APBB2: variants seen among roughly 807,000 people sequenced by gnomAD.
APBB2 encodes the protein amyloid beta precursor protein binding family B member 2.
APBB2 carries 38 observed loss-of-function variants against 82.5 expected under a neutral mutation model. The ratio of observed to expected loss-of-function variants is 0.46; its 90% CI spans 0.36 to 0.60. The LOEUF (loss-of-function observed/expected upper bound fraction) is 0.60, where lower values mean the gene tolerates loss of function less well. APBB2 is among the 20% of genes least tolerant of loss of function. The probability of loss-of-function intolerance (pLI) is 0.00; values close to 1 mark genes in which losing one functional copy is unlikely to be tolerated. For synonymous variants in APBB2, 341 were observed against 368.2 expected (o/e 0.93, Z 0.85); for missense variants, 772 against 972.3 (o/e 0.79, Z 2.74).
intron 3 of APBB2, among the ~76,000 whole-genome samples, chr4:41,073,086 T>A (rs1209115507): frequency 6.6e-6 from 1 of 152,166 alleles, no homozygotes; most frequent in Non-Finnish European, 1.5e-5. Context: ...TATTTAGACC[T>A]TTTTTTAGAC....
chr4:41,130,526 C>T (rs368373405), intron 2 of APBB2, among the ~76,000 whole-genome samples: 1 of 152,194 alleles, frequency 6.6e-6, no homozygotes, highest in African/African-American at 2.4e-5. Flanking sequence ...CTTCTGCTAT[C>T]AGAACTTGCA....
chr4:40,879,912 G>A (rs937853196), intron 12 of APBB2: 4 of 668,890 alleles, frequency 6.0e-6, no homozygotes, highest in East Asian at 1.4e-4. Context: ...GGCTGGTCTC[G>A]AACTCCTAAC....
At chr4:40,988,637 CAAAAAAAAAAAAAAAAAAGACTGTCTCA>C (rs1233232372) in intron 6 of APBB2, among the ~76,000 whole-genome samples, 1 of 30,660 alleles carries the variant, frequency 3.3e-5, no homozygotes, top group African/African-American at 1.3e-4. Flanking sequence ...GACTCCGTCT[CAAAAAAAAAAAAAAAAAAGACTGTCTCA>C]AAAAAAAAAA....
At position 40,988,047 on chromosome 4, in the gene APBB2, T is replaced by C. The variant is rs76923139; in HGVS notation, c.835+25536A>G. 6.3e-3 allele frequency among the ~76,000 whole-genome samples: 966 copies of C among 152,334 alleles called. 16 individuals carry two copies. Among genetic ancestry groups the C allele is most frequent in the African/African-American group, 0.021 (858 of 41,576 alleles). On this transcript the variant is annotated intron_variant, in intron 6 of 17. Transcript: ENST00000508593. ...ACGAATAATTACAAGCAGGATTATT[T>C]TGTGAACTAAATGAGATAATGGAAA...
intron 4 of APBB2, among the ~76,000 whole-genome samples, chr4:41,062,292 C>G (rs773507491): frequency 6.6e-6 from 1 of 152,098 alleles, no homozygotes; most frequent in Non-Finnish European, 1.5e-5. Flanking sequence ...CCTGCCTCAG[C>G]CTCTCTCGTA....
chr4:40,821,061 T>C (rs938585710), intron 17 of APBB2, among the ~76,000 whole-genome samples: 1 of 152,178 alleles, frequency 6.6e-6, no homozygotes, highest in African/African-American at 2.4e-5. Flanking sequence ...GAGACAGGGC[T>C]TCTCCATTTG....
At chr4:40,816,481 C>T (rs1319140470) in intron 17 of APBB2, among the ~76,000 whole-genome samples, 1 of 152,214 alleles carries the variant, frequency 6.6e-6, no homozygotes, top group Admixed American at 6.5e-5. Context: ...CCTTTCCTTC[C>T]ATCCATTTCC....
In APBB2 at chr4:40,890,409, G is replaced by C. The variant is rs1458648384; in HGVS notation, c.1484C>G (p.Pro495Arg). 1 of 1,613,798 alleles carries C rather than the reference G, an allele frequency of 6.2e-7. No individual in the cohort carries two copies. The highest frequency in any genetic ancestry group is 1.3e-5 in the African/African-American group (1 of 74,924). Residue 495 changes from proline (P) to arginine (R), a missense_variant, in exon 12 of 18, where the codon CCC (proline) becomes CGC (arginine). Coordinates refer to ENST00000508593, the MANE Select transcript of APBB2 (RefSeq NM_004307.2). The stretch of plus-strand genomic sequence containing the variant: ...GCCCCACACGCGGATGCTGACGATG[G>C]GCTGCGAGTGCAGCACGCTGCGGTC... ...PMDRSVLHSQ[P>R]IVSIRVWGVG... is the part of the protein sequence containing the mutation.
intron 3 of APBB2, among the ~76,000 whole-genome samples, chr4:41,071,668 G>A (rs1733937454): frequency 6.6e-6 from 1 of 151,976 alleles, no homozygotes; most frequent in Admixed American, 6.6e-5. Context: ...GTGACAGAGC[G>A]AGACTCTGTC....
intron 2 of APBB2, among the ~76,000 whole-genome samples, chr4:41,109,154 C>T (rs946159123): frequency 6.6e-6 from 1 of 152,278 alleles, no homozygotes; most frequent in East Asian, 1.9e-4. Flanking sequence ...AATCCCGACA[C>T]TCTAAGAGGC....
chr4:41,072,342 C>T (rs1579776260), intron 3 of APBB2, among the ~76,000 whole-genome samples: 1 of 152,340 alleles, frequency 6.6e-6, no homozygotes, highest in East Asian at 1.9e-4. Flanking sequence ...TATTCCTCTA[C>T]TCAAAGGCAG....
chr4:40,820,788 C>A (rs547049882), intron 17 of APBB2, among the ~76,000 whole-genome samples: 12 of 152,314 alleles, frequency 7.9e-5, no homozygotes, highest in African/African-American at 2.6e-4. Context: ...TGGACCGCAC[C>A]TCCTTCCACT....
At chr4:41,021,626 G>A (rs1322392425) in intron 5 of APBB2, among the ~76,000 whole-genome samples, 2 of 152,150 alleles carry the variant, frequency 1.3e-5, no homozygotes, top group Admixed American at 6.6e-5. Flanking sequence ...CTGTAAAATG[G>A]TCCGTTCAGT....
intron 5 of APBB2, among the ~76,000 whole-genome samples, chr4:41,020,410 T>C (rs1326599815): frequency 6.6e-6 from 1 of 152,180 alleles, no homozygotes; most frequent in African/African-American, 2.4e-5. Context: ...ATTCAGTAAG[T>C]GATAAGGGAA....
intron 6 of APBB2, among the ~76,000 whole-genome samples, chr4:40,960,631 T>C (rs1792921952): frequency 6.6e-6 from 1 of 152,008 alleles, no homozygotes; most frequent in Admixed American, 6.5e-5. Context: ...ATATTTTTAG[T>C]AGAGACGGGG....
At chr4:41,207,086 C>G (rs1778128244) in intron 1 of APBB2, among the ~76,000 whole-genome samples, 1 of 148,842 alleles carries the variant, frequency 6.7e-6, no homozygotes, top group Non-Finnish European at 1.5e-5. Flanking sequence ...GTAGTTCCAA[C>G]TACTTGGGTA....
intron 10 of APBB2, among the ~76,000 whole-genome samples, chr4:40,899,281 T>C (rs1334085889): frequency 6.6e-6 from 1 of 152,226 alleles, no homozygotes; most frequent in Non-Finnish European, 1.5e-5. Flanking sequence ...TTAAGGGATC[T>C]GGGTCATGGC....
rs552167313 is a variant in APBB2 at position 41,159,991 on chromosome 4, A to G, written c.-416-16849T>C. 3.9e-4 allele frequency among the ~76,000 whole-genome samples: 56 copies of G among 145,254 alleles called. 4 individuals carry two copies. Among genetic ancestry groups the G allele is most frequent in the African/African-American group, 1.2e-3 (47 of 37,900 alleles). ...GAAGAAGAAGAAGAAGAAGAAGAAG[A>G]AGAAGAAGAAGAAGAAGAAGAAGAA... On this transcript the variant is annotated intron_variant, in intron 1 of 17. Transcript: ENST00000508593.
intron 10 of APBB2, among the ~76,000 whole-genome samples, chr4:40,905,172 T>G (rs1372025066): frequency 1.3e-5 from 2 of 152,242 alleles, no homozygotes; most frequent in East Asian, 3.9e-4. Flanking sequence ...TGATCCATAA[T>G]TGAAATATCG....
Sources: allele counts gnomAD v4.1 joint callset (sites outside exome capture counted in the v4.1 genomes callset), GRCh38; gene constraint gnomAD v4.1.1; transcripts MANE v1.5; gene names NCBI Gene and HGNC (gene_info 2026-07-23, HGNC 2026-07-21).